JPH3: variants seen among roughly 807,000 people sequenced by gnomAD.
JPH3 encodes junctophilin 3, also known as junctophilin-3.
A neutral mutation model predicts 59.6 loss-of-function variants in JPH3; 11 were observed. The ratio of observed to expected loss-of-function variants is 0.18; its 90% confidence interval spans 0.12 to 0.31. The LOEUF (loss-of-function observed/expected upper bound fraction) is 0.31, where lower values mean the gene tolerates loss of function less well. Among genes scored for constraint, JPH3 ranks in the 10% least tolerant of loss-of-function variants. The pLI is 1.00. For missense variants in JPH3, 1,202 were observed against 1,105.7 expected (o/e 1.09, Z -1.24); for synonymous variants, 673 against 483.6 (o/e 1.39, Z -5.14).
upstream of JPH3, among the ~76,000 whole-genome samples, chr16:87,602,436 G>A (rs2030243712): frequency 2.0e-5 from 2 of 99,510 alleles, no homozygotes; most frequent in Non-Finnish European, 4.0e-5. Flanking sequence ...GGGGGCGGGG[G>A]CGGGGGGCGG....
At chr16:87,604,318 C>T (rs1202047050) in intron 1 of JPH3, 3 of 1,467,824 alleles carry the variant, frequency 2.0e-6, no homozygotes, top group Non-Finnish European at 2.7e-6. Flanking sequence ...GCTGCTGCTG[C>T]TGCTGCTGCT....
chr16:87,602,485 T>TGCGGGCGCGCGCCGCGCGGC (rs2030255995), upstream of JPH3, among the ~76,000 whole-genome samples: 1 of 114,388 alleles, frequency 8.7e-6, no homozygotes, highest in Non-Finnish European at 1.8e-5. Context: ...GCGGGCGGGG[T>TGCGGGCGCGCGCCGCGCGGC]GCGGGCGCGC....
chr16:87,657,532 G>A (rs1316789244), intron 2 of JPH3, among the ~76,000 whole-genome samples: 1 of 152,160 alleles, frequency 6.6e-6, no homozygotes, highest in Non-Finnish European at 1.5e-5. Flanking sequence ...CTTTAAAACT[G>A]TTAAAGTGGC....
At chr16:87,680,461 C>A (rs187433399) in intron 2 of JPH3, among the ~76,000 whole-genome samples, 1 of 152,242 alleles carries the variant, frequency 6.6e-6, no homozygotes, top group Non-Finnish European at 1.5e-5. Flanking sequence ...TTGCCTCTGA[C>A]TCAGAGCGGC....
intron 4 of JPH3, among the ~76,000 whole-genome samples, chr16:87,691,043 C>T (rs1050750727): frequency 2.0e-5 from 3 of 151,928 alleles, no homozygotes; most frequent in East Asian, 1.9e-4. Flanking sequence ...CCGGCTCCCA[C>T]GTGAGGCCCG....
chr16:87,623,015 G>A lies in JPH3; in HGVS notation c.382+19487G>A, dbSNP rs142504545. ...TTCAGAGGGGGACCTGGTGGAGGTC[G>A]GCTGTGGGCAGGGGAGCCACAGGAG... On this transcript the variant is annotated intron_variant, in intron 1 of 4. Transcript: ENST00000284262. Among the ~76,000 whole-genome samples the A allele has an allele frequency of 7.9e-3, 1,208 of 152,232 alleles. 17 individuals are homozygous for A. Among genetic ancestry groups the A allele is most frequent in the African/African-American group, 0.027 (1,102 of 41,532 alleles).
At chr16:87,604,876 G>A (rs2030455478) in intron 1 of JPH3, 1 of 403,758 alleles carries the variant, frequency 2.5e-6, no homozygotes, top group Non-Finnish European at 5.0e-6. Context: ...CCTTTTCTGT[G>A]CCGTTGTTGT....
intron 4 of JPH3, chr16:87,696,052 A>G (rs2033831716): frequency 2.2e-6 from 1 of 455,998 alleles, no homozygotes; most frequent in Admixed American, 2.4e-5. Context: ...TTGTTGAGGA[A>G]GGTGTGGTGA....
intron 3 of JPH3, among the ~76,000 whole-genome samples, chr16:87,688,835 G>A (rs1290982998): frequency 6.6e-6 from 1 of 152,216 alleles, no homozygotes; most frequent in African/African-American, 2.4e-5. Context: ...GTCGGGCATG[G>A]CTCCCGTGTC....
intron 2 of JPH3, among the ~76,000 whole-genome samples, chr16:87,666,414 C>T (rs1243468896): frequency 6.9e-6 from 1 of 145,958 alleles, no homozygotes. Flanking sequence ...CCCTTGGCAA[C>T]AGGGTCTTGC....
At position 87,697,804 on chromosome 16, in the gene JPH3, A is replaced by AAAAC. The variant is rs1375842578; in HGVS notation, c.*1146_*1149dup. 6.6e-6 allele frequency: 1 copy of AAAAC among 152,224 alleles called. No homozygotes were observed. The highest frequency in any genetic ancestry group is 1.5e-5 in the Non-Finnish European group (1 of 68,034). 9.4% of individuals were successfully genotyped at this position (152,224 alleles called of 1,614,324 possible). On this transcript the variant is annotated 3_prime_UTR_variant, in exon 5 of 5. Coordinates refer to ENST00000284262, the MANE Select transcript of JPH3 (RefSeq NM_020655.4). ...ACAATGTAACTTGTTCAGTCCAACA[A>AAAAC]AAACAGGTTCCTTATGTTTCTGCCT...
rs529368296 is a variant in JPH3 at position 87,643,616 on chromosome 16, C to T, written c.383-642C>T. Among the ~76,000 whole-genome samples, 38 of 152,330 alleles carry T rather than the reference C, an allele frequency of 2.5e-4. No homozygotes were observed. The East Asian group carries it at 4.3e-3, about 17-fold the overall frequency. Reference sequence around the variant, plus strand: ...CTCATTAGCCTCCTAACCCAGGACGCGTTTCCTTGTGCCCTTGGCAGGGGC... The same window carrying T: ...CTCATTAGCCTCCTAACCCAGGACGTGTTTCCTTGTGCCCTTGGCAGGGGC... On this transcript the variant is annotated intron_variant, in intron 1 of 4. Coordinates refer to ENST00000284262, the MANE Select transcript of JPH3 (RefSeq NM_020655.4).
chr16:87,682,185 G>C (rs2033312649), intron 2 of JPH3, among the ~76,000 whole-genome samples: 1 of 152,078 alleles, frequency 6.6e-6, no homozygotes, highest in African/African-American at 2.4e-5. Context: ...CTTGGCTGTG[G>C]TTTATATTAC....
At chr16:87,669,593 C>T (rs150542335) in intron 2 of JPH3, among the ~76,000 whole-genome samples, 3 of 152,234 alleles carry the variant, frequency 2.0e-5, no homozygotes, top group South Asian at 2.1e-4. Flanking sequence ...CAGTGGCCCG[C>T]GGTGAGAGCT....
intron 2 of JPH3, chr16:87,655,070 G>C (rs981620777): frequency 1.3e-5 from 2 of 152,238 alleles, no homozygotes; most frequent in African/African-American, 4.8e-5. Flanking sequence ...CAGCGCCTGG[G>C]AGTCGAGTGT....
chr16:87,671,018 G>A (rs1181676552), intron 2 of JPH3, among the ~76,000 whole-genome samples: 2 of 152,198 alleles, frequency 1.3e-5, no homozygotes, highest in African/African-American at 4.8e-5. Context: ...CTGGAATCCT[G>A]GGGCTGTGGC....
chr16:87,609,852 G>T (rs556381231), intron 1 of JPH3, among the ~76,000 whole-genome samples: 1 of 152,286 alleles, frequency 6.6e-6, no homozygotes, highest in African/African-American at 2.4e-5. Context: ...AGGGTTGAGG[G>T]ATGGTTTTGG....
intron 3 of JPH3, among the ~76,000 whole-genome samples, chr16:87,687,620 G>C (rs894831576): frequency 8.0e-5 from 12 of 149,268 alleles, no homozygotes; most frequent in African/African-American, 2.9e-4. Context: ...CAGGTGGCTT[G>C]AAGGCACAGG....
chr16:87,683,316 T>C (rs1175683478), intron 2 of JPH3, among the ~76,000 whole-genome samples: 17 of 152,222 alleles, frequency 1.1e-4, no homozygotes, highest in Non-Finnish European at 2.9e-5. Flanking sequence ...TTTCTTTTTT[T>C]TTTTTTGAGA....
Sources: gnomAD v4.1 joint callset for allele counts (sites outside exome capture counted in the v4.1 genomes callset) on GRCh38, gnomAD v4.1.1 for gene constraint, MANE v1.5 for transcripts, NCBI Gene and HGNC (gene_info 2026-07-23, HGNC 2026-07-21) for gene names.